PCDHGA8: variants seen among roughly 807,000 people sequenced by gnomAD.
The protein encoded by PCDHGA8 is protocadherin gamma-A8.
A neutral mutation model predicts 59.2 loss-of-function variants in PCDHGA8; 45 were observed. The observed-to-expected ratio is 0.76, with a 90% CI of 0.60 to 0.98. The LOEUF (loss-of-function observed/expected upper bound fraction) is 0.98, where lower values mean the gene tolerates loss of function less well. Ranked by LOEUF, PCDHGA8 falls within the 50% of genes least tolerant of loss-of-function variation. The pLI, the probability that PCDHGA8 is intolerant of heterozygous loss-of-function variation, is 0.00. For synonymous variants in PCDHGA8, 531 were observed against 519.0 expected (o/e 1.02, Z -0.32); for missense variants, 1,257 against 1,196.2 (o/e 1.05, Z -0.75).
chr5:141,423,004 G>T lies in PCDHGA8; in HGVS notation c.2424+27767G>T, dbSNP rs1206727312. 2 of 1,614,116 alleles carry T rather than the reference G, an allele frequency of 1.2e-6. No individual in the cohort carries two copies. Among genetic ancestry groups the T allele is most frequent in the African/African-American group, 1.3e-5 (1 of 74,958 alleles). ...ACCTGGCTACCTGGTGACCAAGGTG[G>T]TTGCGGTGGACAAAGATTCAGGCCA... On this transcript the variant is annotated intron_variant, in intron 1 of 3. Transcript: ENST00000398604.
chr5:141,487,783 G>T lies in PCDHGA8; in HGVS notation c.2425-7024G>T. The T allele has an allele frequency of 6.6e-7, 1 of 1,522,846 alleles. No homozygotes were observed. The allele number at this position is 1,522,846 out of a possible 1,614,324, so 94.3% of individuals were successfully genotyped here. ...ACGCTGTGCTTTGTAACTGTTTCGT[G>T]AATTAACCAGAGTTGTCACAGTTTA... is the stretch of plus-strand genomic sequence containing the variant. On this transcript the variant is annotated intron_variant, in intron 1 of 3. Transcript: ENST00000398604. The surrounding 1 kb of genome is among the most constrained non-coding windows in gnomAD (Gnocchi z 5.0).
At chr5:141,428,091 T>C (rs769710543) in intron 1 of PCDHGA8, 2 of 1,609,000 alleles carry the variant, frequency 1.2e-6, no homozygotes, top group East Asian at 2.2e-5. Flanking sequence ...CGCTTGGCTG[T>C]CCTACCACGT....
chr5:141,458,918 A>C (rs1173274380), intron 1 of PCDHGA8, among the ~76,000 whole-genome samples: 1 of 152,022 alleles, frequency 6.6e-6, no homozygotes, highest in Non-Finnish European at 1.5e-5. Context: ...TTTTTTGTGG[A>C]GACGGGGTCT....
chr5:141,426,970 A>G (rs772659046), intron 1 of PCDHGA8: 1 of 456,742 alleles, frequency 2.2e-6, no homozygotes. Context: ...ATTCAAATTG[A>G]GGTCACTGAT....
At chr5:141,442,445 T>A (rs2098325574) in intron 1 of PCDHGA8, 1 of 152,198 alleles carries the variant, frequency 6.6e-6, no homozygotes, top group South Asian at 2.1e-4. Flanking sequence ...CCCTCAGGAC[T>A]CAATAGCAGT....
chr5:141,435,979 C>T (rs1036607924), intron 1 of PCDHGA8, among the ~76,000 whole-genome samples: 4 of 152,008 alleles, frequency 2.6e-5, no homozygotes, highest in Non-Finnish European at 5.9e-5. Flanking sequence ...TGTGGTTCTA[C>T]TTGTGTGATT....
intron 1 of PCDHGA8, among the ~76,000 whole-genome samples, chr5:141,438,396 A>T (rs1026490705): frequency 6.6e-6 from 1 of 150,930 alleles, no homozygotes. Context: ...TTCATCATTA[A>T]CTCTCTGAAG....
chr5:141,397,172 G>C (rs1407642752), intron 1 of PCDHGA8, among the ~76,000 whole-genome samples: 3 of 152,128 alleles, frequency 2.0e-5, no homozygotes, highest in Non-Finnish European at 2.9e-5. Flanking sequence ...TAACTCTTAA[G>C]AATGAATTTA....
rs763104309 is a variant in PCDHGA8, at chr5:141,432,042, G to A, written c.2424+36805G>A. 5 of 1,614,090 alleles carry A rather than the reference G, an allele frequency of 3.1e-6. No homozygotes were observed. The African/African-American group carries it at 6.7e-5, about 22-fold the overall frequency. ...ATCACAGTGACCGCCACTGACCGGG[G>A]AACCCCGCCCCTATCCACGGAAACT... On this transcript the variant is annotated intron_variant, in intron 1 of 3. Transcript: ENST00000398604. The surrounding 1 kb of genome is among the most constrained non-coding windows in gnomAD (Gnocchi z 6.0).
chr5:141,398,858 G>C, intron 1 of PCDHGA8: 2 of 1,613,986 alleles, frequency 1.2e-6, no homozygotes, highest in Non-Finnish European at 1.7e-6. Flanking sequence ...GTATTCAACC[G>C]AGACGTGTAC....
chr5:141,472,132 A>C (rs1004365239), intron 1 of PCDHGA8, among the ~76,000 whole-genome samples: 3 of 152,272 alleles, frequency 2.0e-5, no homozygotes, highest in African/African-American at 7.2e-5. Flanking sequence ...GAGAAGTTAA[A>C]AATAAAAGTT....
intron 1 of PCDHGA8, among the ~76,000 whole-genome samples, chr5:141,464,882 A>T (rs1418376370): frequency 6.6e-6 from 1 of 151,918 alleles, no homozygotes; most frequent in Middle Eastern, 3.2e-3. Context: ...AGGACTACAG[A>T]TGGATGCCAC....
chr5:141,487,304 C>T lies in PCDHGA8; in HGVS notation c.2425-7503C>T. The T allele has an allele frequency of 6.2e-7, 1 of 1,614,190 alleles. No homozygotes were observed. The highest frequency in any genetic ancestry group is 8.5e-7 in the Non-Finnish European group (1 of 1,180,042). On this transcript the variant is annotated intron_variant, in intron 1 of 3. Transcript: ENST00000398604. This position sits in a 1 kb window ranked among gnomAD's most constrained non-coding sequence, Gnocchi z 5.0. ...TGTCTCCTTTGGCTCATTCGTGGCA[C>T]TACTCTCTAAGTGTCTTCGTGGGGC...
intron 1 of PCDHGA8, among the ~76,000 whole-genome samples, chr5:141,435,232 G>A (rs1317217213): frequency 6.6e-6 from 1 of 152,062 alleles, no homozygotes; most frequent in Non-Finnish European, 1.5e-5. Context: ...TCAAAGTTCA[G>A]TAATTCTTTC....
Position 141,485,119 on chromosome 5 carries a change from C to A in PCDHGA8, c.2425-9688C>A. 3.0e-6 allele frequency: 4 copies of A among 1,328,812 alleles called. No homozygotes were observed. Among genetic ancestry groups the A allele is most frequent in the Non-Finnish European group, 4.3e-6 (4 of 935,940 alleles). The allele number at this position is 1,328,812 out of a possible 1,614,324, so 82.3% of individuals were successfully genotyped here. ...CTCCAGCTGCTGTGGCTGTTTGGGG[C>A]GGGTCGGCTTCATCCGCGTCTCAGG... On this transcript the variant is annotated intron_variant, in intron 1 of 3. Transcript: ENST00000398604. This position sits in a 1 kb window ranked among gnomAD's most constrained non-coding sequence, Gnocchi z 5.7.
In PCDHGA8 at chr5:141,512,249, T is replaced by A. The variant is rs1159090773; in HGVS notation, c.*1076T>A. 6.6e-6 allele frequency: 1 copy of A among 152,598 alleles called. No individual in the cohort carries two copies. The allele number at this position is 152,598 out of a possible 1,614,324, so 9.5% of individuals were successfully genotyped here. On this transcript the variant is annotated 3_prime_UTR_variant, in exon 4 of 4. Coordinates refer to ENST00000398604, the MANE Select transcript of PCDHGA8 (RefSeq NM_032088.2). Reference sequence around the variant, plus strand: ...CCTTGAGAGGTCAGAGGGGCCTCTGTGGGTGCTGGGTACTCCAGAGGTGCC... The same window carrying A: ...CCTTGAGAGGTCAGAGGGGCCTCTGAGGGTGCTGGGTACTCCAGAGGTGCC...
Position 141,410,082 on chromosome 5 carries a change from G to A in PCDHGA8, c.2424+14845G>A, listed in dbSNP as rs780485949. 1.6e-5 allele frequency: 25 copies of A among 1,612,386 alleles called. No individual in the cohort carries two copies. The Admixed American group carries it at 3.8e-4, about 25-fold the overall frequency. On this transcript the variant is annotated intron_variant, in intron 1 of 3. Transcript: ENST00000398604. ...CTGGGGCTGCGCACTGGGGAGGTGC[G>A]CACGGCTCGAGCCTTAGGCGACAGG... is the stretch of plus-strand genomic sequence containing the variant.
chr5:141,429,572 T>C (rs1450720834), intron 1 of PCDHGA8, among the ~76,000 whole-genome samples: 1 of 152,226 alleles, frequency 6.6e-6, no homozygotes, highest in South Asian at 2.1e-4. Context: ...TTCAGTTACA[T>C]TTACTTTTGA....
intron 1 of PCDHGA8, chr5:141,422,953 G>A: frequency 6.2e-7 from 1 of 1,614,232 alleles, no homozygotes; most frequent in Non-Finnish European, 8.5e-7. Context: ...CTCCACTGGC[G>A]TGGAGCTGGC....
Sources: gnomAD v4.1 joint callset for allele counts (sites outside exome capture counted in the v4.1 genomes callset) on GRCh38, gnomAD v4.1.1 for gene constraint, Gnocchi (gnomAD v3.1) non-coding constraint, MANE v1.5 for transcripts, NCBI Gene and HGNC (gene_info 2026-07-23, HGNC 2026-07-21) for gene names.